PRICKLE2: variants seen among roughly 807,000 people sequenced by gnomAD.
PRICKLE2 encodes prickle-like protein 2.
A neutral mutation model predicts 81.4 loss-of-function variants in PRICKLE2; 21 were observed. The ratio of observed to expected loss-of-function variants is 0.26; its 90% CI spans 0.18 to 0.37. PRICKLE2 has a LOEUF of 0.37. PRICKLE2 is among the 10% of genes least tolerant of loss of function. PRICKLE2 has a pLI of 1.00. For missense variants in PRICKLE2, 940 were observed against 1,109.0 expected, an observed-to-expected ratio of 0.85 and a Z score of 2.16; for synonymous variants, 456 against 421.5, an observed-to-expected ratio of 1.08 and a Z score of -1.00.
chr3:64,099,187 C>A lies in PRICKLE2; in HGVS notation c.2399G>T (p.Arg800Leu). The change falls in exon 8 of 8, where the codon CGC (arginine) becomes CTC (leucine). Residue 800 changes from arginine (R) to leucine (L), a missense_variant. This residue lies in a region of PRICKLE2 where 670 missense variants were observed against 717.2 expected (regional missense o/e 0.93). Coordinates refer to ENST00000638394, the MANE Select transcript of PRICKLE2 (RefSeq NM_198859.4). The surrounding 1 kb of genome is among the most constrained non-coding windows in gnomAD (Gnocchi z 4.3). ...FLGEPIPQPA[R>L]LRYVTSDELL... ...CTCATCGCTTGTGACGTATCGCAGG[C>A]GCGCTGGCTGGGGGATGGGTTCTCC... The A allele has an allele frequency of 6.2e-7, 1 of 1,614,208 alleles. No homozygotes were observed.
chr3:64,147,831 C>A lies in PRICKLE2; in HGVS notation c.788-129G>T, dbSNP rs2077482832. The A allele has an allele frequency of 3.2e-6, 3 of 937,580 alleles. No homozygotes were observed. The Admixed American group carries it at 5.8e-5, about 18-fold the overall frequency. 58.1% of individuals were successfully genotyped at this position (937,580 alleles called of 1,614,324 possible). ...GCAGGATAAACTGTCAATAAATCAACAATCAGACCCTTATGTAAATGGTAT... is the reference window on the plus strand; with the variant it reads ...GCAGGATAAACTGTCAATAAATCAAAAATCAGACCCTTATGTAAATGGTAT... On this transcript the variant is annotated intron_variant, in intron 6 of 7. Coordinates refer to ENST00000638394, the MANE Select transcript of PRICKLE2 (RefSeq NM_198859.4). The surrounding 1 kb of genome is among the most constrained non-coding windows in gnomAD (Gnocchi z 5.0).
intron 7 of PRICKLE2, chr3:64,101,579 A>G (rs1337477049): frequency 6.6e-6 from 1 of 152,244 alleles, no homozygotes; most frequent in Non-Finnish European, 1.5e-5. Flanking sequence ...TGATTTATAA[A>G]CCACTGAAAC....
chr3:64,098,889 C>A lies in PRICKLE2; in HGVS notation c.*162G>T. On this transcript the variant is annotated 3_prime_UTR_variant, in exon 8 of 8. Coordinates refer to ENST00000638394, the MANE Select transcript of PRICKLE2 (RefSeq NM_198859.4). Reference sequence around the variant, plus strand: ...TTCAACATGCCAAGAACTGTGACTACCTATTGAGTCAACCTGTAACCTTGC... The same window carrying A: ...TTCAACATGCCAAGAACTGTGACTAACTATTGAGTCAACCTGTAACCTTGC... 1.4e-6 allele frequency: 1 copy of A among 734,360 alleles called. No individual in the cohort carries two copies. Among genetic ancestry groups the A allele is most frequent in the South Asian group, 1.6e-5 (1 of 62,704 alleles). 45.5% of individuals were successfully genotyped at this position (734,360 alleles called of 1,614,324 possible). A position where few individuals can be genotyped will look rare whatever the true frequency, so the allele number is the denominator to read the frequency against.
chr3:64,215,208 T>C (rs2078853444), intron 1 of PRICKLE2, among the ~76,000 whole-genome samples: 1 of 152,172 alleles, frequency 6.6e-6, no homozygotes, highest in Non-Finnish European at 1.5e-5. Context: ...CCCAAATTTA[T>C]TTTGTTCTAC....
chr3:64,256,085 C>T (rs1004177284), intron 2 of PRICKLE2, among the ~76,000 whole-genome samples: 2 of 152,152 alleles, frequency 1.3e-5, no homozygotes, highest in Non-Finnish European at 2.9e-5. Flanking sequence ...AAAGGCTTGA[C>T]TCATTCATGC....
intron 2 of PRICKLE2, among the ~76,000 whole-genome samples, chr3:64,245,931 G>T (rs369110878): frequency 6.6e-6 from 1 of 151,978 alleles, no homozygotes; most frequent in Non-Finnish European, 1.5e-5. Flanking sequence ...TTTTCCTATC[G>T]GTTTGAGCTC....
intron 2 of PRICKLE2, among the ~76,000 whole-genome samples, chr3:64,259,816 A>G (rs1213255587): frequency 6.6e-6 from 1 of 152,168 alleles, no homozygotes; most frequent in East Asian, 1.9e-4. Flanking sequence ...TGGCAGCCAC[A>G]AGAAGCCGGG....
At chr3:64,160,367 T>A (rs187652728) in intron 3 of PRICKLE2, among the ~76,000 whole-genome samples, 16 of 152,286 alleles carry the variant, frequency 1.1e-4, no homozygotes, top group African/African-American at 3.9e-4. Context: ...CTCACTCTGC[T>A]CACCATGTTA....
At chr3:64,164,450 G>A (rs2077791340) in intron 2 of PRICKLE2, among the ~76,000 whole-genome samples, 1 of 152,160 alleles carries the variant, frequency 6.6e-6, no homozygotes, top group South Asian at 2.1e-4. Flanking sequence ...CACATGTTTT[G>A]GGAATGCTGG....
intron 7 of PRICKLE2, among the ~76,000 whole-genome samples, chr3:64,112,374 C>G (rs929714291): frequency 2.6e-5 from 4 of 152,154 alleles, no homozygotes; most frequent in Non-Finnish European, 5.9e-5. Context: ...CAAGATCTCC[C>G]TTCTCTACAG....
At chr3:64,182,125 A>G (rs1212169103) in intron 2 of PRICKLE2, among the ~76,000 whole-genome samples, 2 of 152,128 alleles carry the variant, frequency 1.3e-5, no homozygotes, top group African/African-American at 2.4e-5. Context: ...TTATTCCCCA[A>G]TGCAACAGTG....
intron 2 of PRICKLE2, among the ~76,000 whole-genome samples, chr3:64,262,746 G>A (rs2079635426): frequency 1.3e-5 from 2 of 152,126 alleles, no homozygotes; most frequent in African/African-American, 4.8e-5. Context: ...GATCCACTGG[G>A]ACAAACCCTG....
At chr3:64,257,080 A>T (rs2079536277) in intron 2 of PRICKLE2, among the ~76,000 whole-genome samples, 1 of 152,228 alleles carries the variant, frequency 6.6e-6, no homozygotes, top group Non-Finnish European at 1.5e-5. Flanking sequence ...GATATTCAAC[A>T]CATCATAGTA....
At chr3:64,210,033 G>A (rs1281605885) in intron 1 of PRICKLE2, among the ~76,000 whole-genome samples, 1 of 152,130 alleles carries the variant, frequency 6.6e-6, no homozygotes, top group Admixed American at 6.5e-5. Context: ...AGGTGATATT[G>A]TGGCCTCCCT....
At chr3:64,166,600 C>T (rs879497793) in intron 2 of PRICKLE2, among the ~76,000 whole-genome samples, 3 of 152,168 alleles carry the variant, frequency 2.0e-5, no homozygotes, top group Non-Finnish European at 4.4e-5. Context: ...AAAATTATTC[C>T]AGTAATTCCT....
chr3:64,103,300 C>T (rs905781399), intron 7 of PRICKLE2, among the ~76,000 whole-genome samples: 15 of 152,148 alleles, frequency 9.9e-5, no homozygotes, highest in Non-Finnish European at 1.5e-5. Flanking sequence ...TGCCTCCACA[C>T]AGAATTTTCC....
chr3:64,260,574 G>C (rs1028025747), intron 2 of PRICKLE2, among the ~76,000 whole-genome samples: 1 of 152,174 alleles, frequency 6.6e-6, no homozygotes, highest in Non-Finnish European at 1.5e-5. Flanking sequence ...TCAATGAACA[G>C]TCCAAATAAA....
At chr3:64,178,118 T>C (rs2078057243) in intron 2 of PRICKLE2, among the ~76,000 whole-genome samples, 4 of 152,192 alleles carry the variant, frequency 2.6e-5, no homozygotes, top group African/African-American at 4.8e-5. Flanking sequence ...CAGTATCTCA[T>C]TGTGGTTTTG....
upstream of PRICKLE2, among the ~76,000 whole-genome samples, chr3:64,228,496 G>A (rs1213044143): frequency 2.6e-5 from 4 of 151,174 alleles, no homozygotes; most frequent in Non-Finnish European, 5.9e-5. Flanking sequence ...TTAATTCCCT[G>A]TGGTCATTAT....
Sources: gnomAD v4.1 joint callset for allele counts (sites outside exome capture counted in the v4.1 genomes callset) on GRCh38, gnomAD v4.1.1 for gene constraint, gnomAD v4.1.1 regional missense constraint, Gnocchi (gnomAD v3.1) non-coding constraint, MANE v1.5 for transcripts, NCBI Gene and HGNC (gene_info 2026-07-23, HGNC 2026-07-21) for gene names.